WDR41: variants seen among roughly 807,000 people sequenced by gnomAD.
WDR41 encodes the protein WD repeat domain 41, also known as WD repeat-containing protein 41.
A neutral mutation model predicts 69.3 loss-of-function variants in WDR41; 63 were observed. The ratio of observed to expected loss-of-function variants is 0.91; its 90% confidence interval spans 0.74 to 1.12. The LOEUF is 1.12. Among genes scored for constraint, WDR41 ranks in the 50% most tolerant of loss-of-function variants. The pLI is 0.00. For missense variants in WDR41, 543 were observed against 534.5 expected, an observed-to-expected ratio of 1.02 and a Z score of -0.16; for synonymous variants, 185 against 192.1, an observed-to-expected ratio of 0.96 and a Z score of 0.31.
chr5:77,592,634 C>T (rs761960209), intron 1 of WDR41, among the ~76,000 whole-genome samples: 42 of 152,168 alleles, frequency 2.8e-4, no homozygotes, highest in Non-Finnish European at 4.6e-4. Context: ...CCAAGAGAAA[C>T]CAGGATCAAT....
At chr5:77,540,277 C>T (rs899415153) in intron 1 of WDR41, among the ~76,000 whole-genome samples, 7 of 152,144 alleles carry the variant, frequency 4.6e-5, no homozygotes, top group African/African-American at 1.2e-4. Context: ...GAAGCATGAA[C>T]CCCAACTGGT....
intron 2 of WDR41, among the ~76,000 whole-genome samples, chr5:77,471,525 G>C (rs1178271957): frequency 6.6e-6 from 1 of 151,970 alleles, no homozygotes; most frequent in Non-Finnish European, 1.5e-5. Flanking sequence ...TTGATAGAAC[G>C]CTAGTAAGAC....
chr5:77,488,589 GA>G (rs1801624900), intron 2 of WDR41, among the ~76,000 whole-genome samples: 1 of 152,164 alleles, frequency 6.6e-6, no homozygotes, highest in South Asian at 2.1e-4. Context: ...AATTAGAGAT[GA>G]AAGTGGAAAA....
At chr5:77,441,983 GGAGATACCATTTATTGACTTGTGAATCA>G (rs1369554542) in intron 8 of WDR41, among the ~76,000 whole-genome samples, 1 of 152,062 alleles carries the variant, frequency 6.6e-6, no homozygotes, top group African/African-American at 2.4e-5. Context: ...CTAAAAACAA[GGAGATACCATTTATTGACTTGTGAATCA>G]GGAAATATAA....
At chr5:77,471,249 C>T (rs371629454) in intron 2 of WDR41, among the ~76,000 whole-genome samples, 1 of 152,088 alleles carries the variant, frequency 6.6e-6, no homozygotes, top group East Asian at 1.9e-4. Context: ...ACACAACATA[C>T]CAGAATCTCT....
Position 77,463,286 on chromosome 5 carries a change from G to A in WDR41, c.217-60C>T. 8.0e-6 allele frequency: 12 copies of A among 1,495,500 alleles called. No homozygotes were observed. The South Asian group carries it at 1.4e-4, about 18-fold the overall frequency. The allele number at this position is 1,495,500 out of a possible 1,614,324, so 92.6% of individuals were successfully genotyped here. On this transcript the variant is annotated intron_variant, in intron 3 of 12. Transcript: ENST00000296679. ...TTTCACAATTTAGATAATCATAAAT[G>A]ACTACATTAAGTACAACTACCATAT... is the stretch of plus-strand genomic sequence containing the variant.
At chr5:77,553,440 T>TTAA (rs1743334725) in intron 1 of WDR41, among the ~76,000 whole-genome samples, 1 of 152,124 alleles carries the variant, frequency 6.6e-6, no homozygotes, top group South Asian at 2.1e-4. Flanking sequence ...TCCCCCTGAT[T>TTAA]TAATCACTTC....
At chr5:77,497,197 T>C (rs1438106729), upstream of WDR41, among the ~76,000 whole-genome samples, 1 of 152,082 alleles carries the variant, frequency 6.6e-6, no homozygotes, top group Non-Finnish European at 1.5e-5. Context: ...TTGGCAAAAT[T>C]TAGTGGCGGT....
upstream of WDR41, among the ~76,000 whole-genome samples, chr5:77,496,701 G>C (rs1021829112): frequency 5.9e-5 from 9 of 152,044 alleles, no homozygotes; most frequent in Non-Finnish European, 1.0e-4. Flanking sequence ...GCAATCTCCA[G>C]ATTCAATGCA....
rs941549460 is a variant in WDR41 at position 77,543,696 on chromosome 5, G to A, written c.43-54124C>T. On this transcript the variant is annotated intron_variant, in intron 1 of 5. Transcript: ENST00000509971. ...AGCAAAGAATTATCGGTGTTCCTGA[G>A]GAAGAAGAGAATTCTAAAAGTTTGG... Among the ~76,000 whole-genome samples, 4 of 152,030 alleles carry A rather than the reference G, an allele frequency of 2.6e-5. No individual in the cohort carries two copies. The East Asian group carries it at 7.7e-4, about 29-fold the overall frequency.
chr5:77,512,745 C>CAAAAAAAAAAAAAAA lies in WDR41; in HGVS notation c.43-23188_43-23174dup, dbSNP rs71606301. 4.0e-3 allele frequency among the ~76,000 whole-genome samples: 296 copies of CAAAAAAAAAAAAAAA among 74,044 alleles called. 3 individuals are homozygous for CAAAAAAAAAAAAAAA. Among genetic ancestry groups the CAAAAAAAAAAAAAAA allele is most frequent in the Middle Eastern group, 7.2e-3 (1 of 138 alleles). The allele number at this position is 74,044 out of a possible 152,430, so 48.6% of individuals were successfully genotyped here. A position where few individuals can be genotyped will look rare whatever the true frequency, so the allele number is the denominator to read the frequency against. On this transcript the variant is annotated intron_variant, in intron 1 of 5. Coordinates refer to the WDR41 transcript ENST00000509971. ...TGGCGAGAGAGCGAAGACTCCATCT[C>CAAAAAAAAAAAAAAA]AAAAAAAAAAAAAAAAAAAAATTGG...
At chr5:77,489,671 C>A (rs946865641) in intron 1 of WDR41, 99 bp from the exon 2 acceptor site, 11 of 613,004 alleles carry the variant, frequency 1.8e-5, no homozygotes, top group Non-Finnish European at 2.7e-5. Context: ...TGGTATACAT[C>A]TGAGAACACA....
At chr5:77,510,714 G>A (rs1359375926) in intron 1 of WDR41, among the ~76,000 whole-genome samples, 3 of 150,168 alleles carry the variant, frequency 2.0e-5, no homozygotes, top group Non-Finnish European at 3.0e-5. Flanking sequence ...TATACTGCCT[G>A]TTGAGTAATG....
chr5:77,445,707 T>C (rs1168358569), intron 8 of WDR41, among the ~76,000 whole-genome samples: 3 of 152,192 alleles, frequency 2.0e-5, no homozygotes, highest in Non-Finnish European at 4.4e-5. Flanking sequence ...AGAAAAGGCC[T>C]TCGATAAAAT....
intron 1 of WDR41, among the ~76,000 whole-genome samples, chr5:77,572,839 T>C (rs1023873274): frequency 2.6e-5 from 4 of 152,256 alleles, no homozygotes; most frequent in African/African-American, 9.6e-5. Context: ...CAAAGTATTT[T>C]ATTTCATTTT....
intron 8 of WDR41, among the ~76,000 whole-genome samples, chr5:77,443,715 C>T (rs925452678): frequency 6.6e-6 from 1 of 152,136 alleles, no homozygotes; most frequent in Non-Finnish European, 1.5e-5. Flanking sequence ...CACTCTGCAT[C>T]TGTAGTCACA....
chr5:77,519,713 T>C (rs776234543), intron 1 of WDR41, among the ~76,000 whole-genome samples: 12 of 151,780 alleles, frequency 7.9e-5, no homozygotes, highest in Non-Finnish European at 1.6e-4. Flanking sequence ...TTAGTTTAAG[T>C]GTTTATGTTA....
intron 1 of WDR41, 77 bp downstream of exon 1, chr5:77,492,093 C>G: frequency 6.4e-7 from 1 of 1,556,710 alleles, no homozygotes; most frequent in South Asian, 1.2e-5. Context: ...CGGTCGGAAC[C>G]CAGGAAGGCC....
intron 1 of WDR41, among the ~76,000 whole-genome samples, chr5:77,550,093 C>G (rs1743269375): frequency 6.6e-6 from 1 of 152,092 alleles, no homozygotes; most frequent in Non-Finnish European, 1.5e-5. Context: ...AAAATTAACT[C>G]AAGGTGGATT....
Sources: allele counts gnomAD v4.1 joint callset (sites outside exome capture counted in the v4.1 genomes callset), GRCh38; gene constraint gnomAD v4.1.1; transcripts MANE v1.5; gene names NCBI Gene and HGNC (gene_info 2026-07-23, HGNC 2026-07-21).